MORC1: variants seen among roughly 807,000 people sequenced by gnomAD.
MORC1 encodes the protein MORC family CW-type zinc finger 1, also known as MORC family CW-type zinc finger protein 1.
A neutral mutation model predicts 134.9 loss-of-function variants in MORC1; 59 were observed. The ratio of observed to expected loss-of-function variants is 0.44; its 90% CI spans 0.35 to 0.54. The LOEUF (loss-of-function observed/expected upper bound fraction) is 0.54, where lower values mean the gene tolerates loss of function less well. MORC1 is among the 20% of genes least tolerant of loss of function. MORC1 has a pLI of 0.00. For missense variants in MORC1, 947 were observed against 1,134.5 expected, an observed-to-expected ratio of 0.83 and a Z score of 2.37; for synonymous variants, 395 against 391.7, an observed-to-expected ratio of 1.01 and a Z score of -0.10.
chr3:109,010,424 A>T (rs1948656254), intron 17 of MORC1, among the ~76,000 whole-genome samples: 1 of 152,138 alleles, frequency 6.6e-6, no homozygotes, highest in Non-Finnish European at 1.5e-5. Context: ...CTTTCATAAA[A>T]ATGATTTTTT....
chr3:109,019,801 C>A (rs1159176312), intron 17 of MORC1, among the ~76,000 whole-genome samples: 12 of 152,136 alleles, frequency 7.9e-5, no homozygotes, highest in Admixed American at 7.9e-4. Context: ...TCATCCTTCT[C>A]GTTAGGTTTC....
intron 20 of MORC1, among the ~76,000 whole-genome samples, chr3:109,002,127 G>A (rs1372811395): frequency 1.3e-5 from 2 of 152,150 alleles, no homozygotes; most frequent in Non-Finnish European, 2.9e-5. Flanking sequence ...TCTCCTAACT[G>A]CTCTGCCCAC....
Position 109,094,816 on chromosome 3 carries a change from G to T in MORC1, c.583+93C>A, listed in dbSNP as rs1576737096. The T allele has an allele frequency of 6.5e-6, 8 of 1,226,518 alleles. No homozygotes were observed. In the East Asian group the frequency reaches 1.8e-4, roughly 27 times the overall value. The allele number at this position is 1,226,518 out of a possible 1,614,324, so 76.0% of individuals were successfully genotyped here. A position where few individuals can be genotyped will look rare whatever the true frequency, so the allele number is the denominator to read the frequency against. On this transcript the variant is annotated intron_variant, in intron 7 of 27. Transcript: ENST00000232603. ...AGTGTGAATCCACATGAGATTATAAGAACAAAAAAAATGAAAACATATGTA... is the reference window on the plus strand; with the variant it reads ...AGTGTGAATCCACATGAGATTATAATAACAAAAAAAATGAAAACATATGTA...
chr3:109,028,475 C>A (rs982318316), intron 16 of MORC1, among the ~76,000 whole-genome samples: 1 of 152,042 alleles, frequency 6.6e-6, no homozygotes, highest in South Asian at 2.1e-4. Flanking sequence ...GCTCTGCTGT[C>A]GTAAGAGTAT....
chr3:109,037,501 T>C (rs968729845), intron 14 of MORC1, among the ~76,000 whole-genome samples: 5 of 152,240 alleles, frequency 3.3e-5, no homozygotes, highest in Admixed American at 3.3e-4. Flanking sequence ...TGCAGGTTTG[T>C]TACGTAGGCA....
intron 25 of MORC1, among the ~76,000 whole-genome samples, chr3:108,970,781 T>C (rs1272252228): frequency 6.6e-6 from 1 of 152,204 alleles, no homozygotes; most frequent in Non-Finnish European, 1.5e-5. Flanking sequence ...GAGCCCTTTG[T>C]AGACTACTCA....
chr3:108,976,377 A>G (rs1259446173), intron 24 of MORC1, among the ~76,000 whole-genome samples: 1 of 152,178 alleles, frequency 6.6e-6, no homozygotes, highest in Non-Finnish European at 1.5e-5. Flanking sequence ...TATACTTTAT[A>G]CCCTTTACAT....
chr3:108,998,792 T>G (rs1948310201), intron 21 of MORC1, among the ~76,000 whole-genome samples: 1 of 152,188 alleles, frequency 6.6e-6, no homozygotes, highest in South Asian at 2.1e-4. Flanking sequence ...ACCATGAGTA[T>G]GAAAACAGAC....
intron 24 of MORC1, among the ~76,000 whole-genome samples, chr3:108,977,403 AGACAGGGTCTTG>A (rs1947592281): frequency 6.6e-6 from 1 of 152,176 alleles, no homozygotes; most frequent in Non-Finnish European, 1.5e-5. Flanking sequence ...ATTTTTATGG[AGACAGGGTCTTG>A]CTATGTTGCC....
chr3:109,117,331 CAAAAAAAAAAAA>C (rs202128565), intron 1 of MORC1, among the ~76,000 whole-genome samples: 281 of 113,632 alleles, frequency 2.5e-3, no homozygotes, highest in African/African-American at 9.1e-3. Flanking sequence ...CAAAAGATGT[CAAAAAAAAAAAA>C]AAAAAAAAAA....
At chr3:108,974,594 T>C (rs1407885866) in intron 24 of MORC1, among the ~76,000 whole-genome samples, 1 of 152,182 alleles carries the variant, frequency 6.6e-6, no homozygotes, top group Non-Finnish European at 1.5e-5. Flanking sequence ...TTCACTAGTA[T>C]CCACTGCATT....
intron 16 of MORC1, among the ~76,000 whole-genome samples, chr3:109,032,069 G>T (rs1949253548): frequency 6.6e-6 from 1 of 152,020 alleles, no homozygotes; most frequent in African/African-American, 2.4e-5. Flanking sequence ...CCAAACAGGA[G>T]TTATTACCCT....
At chr3:109,100,558 G>A (rs773040835) in intron 4 of MORC1, 51 bp from the exon 5 acceptor site, 2 of 1,385,442 alleles carry the variant, frequency 1.4e-6, no homozygotes, top group East Asian at 4.6e-5. Flanking sequence ...TTTGACACTG[G>A]CCTGAGGCCC....
intron 8 of MORC1, among the ~76,000 whole-genome samples, chr3:109,074,302 G>A (rs1576713664): frequency 6.6e-6 from 1 of 152,058 alleles, no homozygotes; most frequent in Non-Finnish European, 1.5e-5. Context: ...TTTTTACTAG[G>A]GGCTGTGCTT....
At chr3:109,051,410 T>C (rs1949825666) in intron 14 of MORC1, among the ~76,000 whole-genome samples, 1 of 152,204 alleles carries the variant, frequency 6.6e-6, no homozygotes, top group Admixed American at 6.5e-5. Flanking sequence ...TTATATAACT[T>C]TGGTTATTCC....
At chr3:108,989,975 CG>C (rs1160648302) in intron 21 of MORC1, among the ~76,000 whole-genome samples, 1 of 152,118 alleles carries the variant, frequency 6.6e-6, no homozygotes, top group East Asian at 1.9e-4. Context: ...GTCATGGGGG[CG>C]GGTTTTTCCT....
At chr3:109,045,498 A>C (rs766006285) in intron 14 of MORC1, among the ~76,000 whole-genome samples, 4 of 152,186 alleles carry the variant, frequency 2.6e-5, no homozygotes, top group Admixed American at 6.5e-5. Context: ...TACACTGTTG[A>C]GAAGAACCAT....
Position 108,963,745 on chromosome 3 carries a change from T to C in MORC1, c.2605-137A>G, listed in dbSNP as rs910920803. The C allele has an allele frequency of 1.2e-5, 7 of 596,600 alleles. No individual in the cohort carries two copies. The African/African-American group carries it at 1.3e-4, about 11-fold the overall frequency. The allele number at this position is 596,600 out of a possible 1,614,324, so 37.0% of individuals were successfully genotyped here. ...TCGTAGGTGGTCTAAATTTAGGAAA[T>C]ATTGATACCCTTAAGGAACTTACAT... On this transcript the variant is annotated intron_variant, in intron 26 of 27. Coordinates refer to ENST00000232603, the MANE Select transcript of MORC1 (RefSeq NM_014429.4).
chr3:109,045,126 C>T (rs763516581), intron 14 of MORC1, among the ~76,000 whole-genome samples: 1 of 152,062 alleles, frequency 6.6e-6, no homozygotes, highest in African/African-American at 2.4e-5. Flanking sequence ...AGGCCTGAAA[C>T]AGTTTATAAA....
Sources: gnomAD v4.1 joint callset for allele counts (sites outside exome capture counted in the v4.1 genomes callset) on GRCh38, gnomAD v4.1.1 for gene constraint, MANE v1.5 for transcripts, NCBI Gene and HGNC (gene_info 2026-07-23, HGNC 2026-07-21) for gene names.